Variants in TNKS observed in about 807,000 individuals in gnomAD.
TNKS encodes the protein poly [ADP-ribose] polymerase tankyrase-1.
Under a neutral mutation model 135.8 loss-of-function variants are expected in TNKS, and 72 were observed. The ratio of observed to expected loss-of-function variants is 0.53; its 90% CI spans 0.44 to 0.64. The LOEUF (loss-of-function observed/expected upper bound fraction) is 0.64, where lower values mean the gene tolerates loss of function less well. TNKS is among the 30% of genes least tolerant of loss of function. The probability of loss-of-function intolerance (pLI) is 0.00; values close to 1 mark genes in which losing one functional copy is unlikely to be tolerated. For synonymous variants in TNKS, 849 were observed against 649.3 expected (o/e 1.31, Z -4.68); for missense variants, 1,769 against 1,674.0 (o/e 1.06, Z -0.99).
At position 9,730,921 on chromosome 8, in the gene TNKS, G is replaced by T. The variant is rs1805405351; in HGVS notation, c.2033G>T (p.Arg678Ile). 6.2e-7 allele frequency: 1 copy of T among 1,613,708 alleles called. No individual in the cohort carries two copies. Among genetic ancestry groups the T allele is most frequent in the Non-Finnish European group, 8.5e-7 (1 of 1,179,896 alleles). Reference protein sequence around the residue: ...QLCSSQNVNCRDLEGRHSTPL... With the variant: ...QLCSSQNVNCIDLEGRHSTPL... ...TGCAGCTCTCAAAATGTGAATTGTAGAGACTTAGAGGGCCGGCATTCCACG... is the reference window on the plus strand; with the variant it reads ...TGCAGCTCTCAAAATGTGAATTGTATAGACTTAGAGGGCCGGCATTCCACG... Residue 678 changes from arginine to isoleucine, a missense_variant, in exon 14 of 27, where the codon AGA becomes ATA. Coordinates refer to ENST00000310430, the MANE Select transcript of TNKS (RefSeq NM_003747.3).
intron 7 of TNKS, 26 bp from the exon 8 acceptor site, chr8:9,706,785 C>T (rs1246253478): frequency 6.3e-7 from 1 of 1,578,068 alleles, no homozygotes; most frequent in African/African-American, 1.4e-5. Flanking sequence ...GATTACTGAC[C>T]TAAAATGTTT....
At chr8:9,566,535 T>A (rs954984613) in intron 1 of TNKS, 1 of 152,008 alleles carries the variant, frequency 6.6e-6, no homozygotes, top group African/African-American at 2.4e-5. Context: ...CACTTCTGAT[T>A]TCTGATCTTC....
chr8:9,708,348 G>A, intron 8 of TNKS, 23 bp from the exon 9 acceptor site: 1 of 1,508,194 alleles, frequency 6.6e-7, no homozygotes, highest in Non-Finnish European at 8.9e-7. Flanking sequence ...CTTTTTTTAT[G>A]TCAACCATTG....
At chr8:9,742,133 A>G (rs1805992072) in intron 17 of TNKS, among the ~76,000 whole-genome samples, 1 of 152,102 alleles carries the variant, frequency 6.6e-6, no homozygotes, top group Admixed American at 6.6e-5. Flanking sequence ...GAAGAATGCA[A>G]ATGGGCTACA....
chr8:9,778,800 G>T lies in TNKS; in HGVS notation c.*2064G>T, dbSNP rs1563232016. 1 of 152,170 alleles carries T rather than the reference G, an allele frequency of 6.6e-6. No individual in the cohort carries two copies. The highest frequency in any genetic ancestry group is 1.5e-5 in the Non-Finnish European group (1 of 68,024). 9.4% of individuals were successfully genotyped at this position (152,170 alleles called of 1,614,324 possible). A position where few individuals can be genotyped will look rare whatever the true frequency, so the allele number is the denominator to read the frequency against. On this transcript the variant is annotated 3_prime_UTR_variant, in exon 27 of 27. Transcript: ENST00000310430. ...CTTCCCCCAGACGTAGTTTAAAATG[G>T]TAAACACAGCTGTGATTTTTAGTTA...
chr8:9,648,875 G>T (rs1801021143), intron 3 of TNKS, among the ~76,000 whole-genome samples: 1 of 151,892 alleles, frequency 6.6e-6, no homozygotes, highest in Non-Finnish European at 1.5e-5. Flanking sequence ...ATGACAGAGG[G>T]GTCTGTTATA....
intron 22 of TNKS, among the ~76,000 whole-genome samples, chr8:9,764,472 A>T (rs1047692495): frequency 6.6e-6 from 1 of 152,138 alleles, no homozygotes; most frequent in African/African-American, 2.4e-5. Flanking sequence ...GTGTTTTTTA[A>T]TATGTTTCCC....
At chr8:9,658,792 A>G (rs1419911311) in intron 3 of TNKS, among the ~76,000 whole-genome samples, 1 of 152,240 alleles carries the variant, frequency 6.6e-6, no homozygotes, top group South Asian at 2.1e-4. Context: ...AGACTGGCAA[A>G]TTGGATAAAG....
At chr8:9,557,693 C>G (rs1269238226) in intron 1 of TNKS, 1 of 151,840 alleles carries the variant, frequency 6.6e-6, no homozygotes, top group Non-Finnish European at 1.5e-5. Flanking sequence ...TGTTAAGTTT[C>G]TCCTATATTT....
At chr8:9,678,454 G>C (rs896248849) in intron 3 of TNKS, among the ~76,000 whole-genome samples, 1 of 152,156 alleles carries the variant, frequency 6.6e-6, no homozygotes, top group Non-Finnish European at 1.5e-5. Context: ...AAATTAGAAA[G>C]ACCAACTCTA....
chr8:9,650,627 C>G (rs1286255456), intron 3 of TNKS, among the ~76,000 whole-genome samples: 2 of 152,084 alleles, frequency 1.3e-5, no homozygotes, highest in African/African-American at 2.4e-5. Context: ...TGAGAATTAT[C>G]TATTCATGTC....
intron 5 of TNKS, among the ~76,000 whole-genome samples, chr8:9,683,548 G>C (rs964443160): frequency 1.3e-5 from 2 of 151,870 alleles, no homozygotes; most frequent in Admixed American, 6.6e-5. Context: ...TTTTACTACA[G>C]TTCCTGGTTT....
intron 3 of TNKS, among the ~76,000 whole-genome samples, chr8:9,678,948 T>C (rs1017777216): frequency 8.5e-5 from 13 of 152,206 alleles, no homozygotes; most frequent in African/African-American, 2.9e-4. Context: ...AGCTGAATCA[T>C]AGTCCTGGCT....
chr8:9,590,599 G>C (rs1387693508), intron 2 of TNKS, among the ~76,000 whole-genome samples: 2 of 152,140 alleles, frequency 1.3e-5, no homozygotes, highest in Non-Finnish European at 2.9e-5. Flanking sequence ...CTCTGTGCTT[G>C]CTCCGAGTAA....
chr8:9,585,817 G>C (rs1223476657), intron 2 of TNKS, among the ~76,000 whole-genome samples: 2 of 152,066 alleles, frequency 1.3e-5, no homozygotes, highest in Non-Finnish European at 2.9e-5. Context: ...TATCTTTCTT[G>C]GGAGCGCAAA....
chr8:9,679,593 C>A (rs1185641186), intron 3 of TNKS, among the ~76,000 whole-genome samples: 1 of 152,068 alleles, frequency 6.6e-6, no homozygotes, highest in Non-Finnish European at 1.5e-5. Flanking sequence ...TATTATGCTT[C>A]CCAAGTATAC....
chr8:9,717,101 A>ATATATATATATATATTTTTT (rs1454492300), intron 11 of TNKS, among the ~76,000 whole-genome samples: 1 of 119,336 alleles, frequency 8.4e-6, no homozygotes, highest in African/African-American at 2.9e-5. Context: ...ATATATATAT[A>ATATATATATATATATTTTTT]TTTTCAGGGA....
At chr8:9,693,290 C>G (rs1803362906) in intron 5 of TNKS, among the ~76,000 whole-genome samples, 1 of 151,990 alleles carries the variant, frequency 6.6e-6, no homozygotes, top group Non-Finnish European at 1.5e-5. Flanking sequence ...AGGAAAGAAG[C>G]TAATCATAGA....
chr8:9,658,092 G>T (rs1378679622), intron 3 of TNKS, among the ~76,000 whole-genome samples: 1 of 94,922 alleles, frequency 1.1e-5, no homozygotes, highest in East Asian at 3.0e-4. Flanking sequence ...TGGCGGCTGG[G>T]AAGAGGCGCT....
Sources: allele counts gnomAD v4.1 joint callset (sites outside exome capture counted in the v4.1 genomes callset), GRCh38; gene constraint gnomAD v4.1.1; transcripts MANE v1.5; gene names NCBI Gene and HGNC (gene_info 2026-07-23, HGNC 2026-07-21).